Variants in ANKRD45 observed in about 807,000 individuals in gnomAD.
ANKRD45 encodes ankyrin repeat domain-containing protein 45.
In ANKRD45, 21 loss-of-function variants were observed where a neutral mutation model predicts 28.1. That is an observed-to-expected ratio of 0.75 (90% CI 0.53 to 1.08). The LOEUF (loss-of-function observed/expected upper bound fraction) is 1.08. Ranked by LOEUF, ANKRD45 falls within the 50% of genes least tolerant of loss-of-function variation. ANKRD45 has a pLI of 0.00. For synonymous variants in ANKRD45, 86 were observed against 103.9 expected, an observed-to-expected ratio of 0.83 and a Z score of 1.05; for missense variants, 261 against 308.7, an observed-to-expected ratio of 0.85 and a Z score of 1.16.
chr1:173,668,582 A>G (rs1368878386), intron 1 of ANKRD45, among the ~76,000 whole-genome samples: 1 of 152,204 alleles, frequency 6.6e-6, no homozygotes, highest in Non-Finnish European at 1.5e-5. Flanking sequence ...TCTCAAGGAA[A>G]GAATCCAAGA....
Position 173,665,359 on chromosome 1 carries a change from G to A in ANKRD45, c.-16+4458C>T, listed in dbSNP as rs552311601. 2.0e-5 allele frequency among the ~76,000 whole-genome samples: 3 copies of A among 152,040 alleles called. No individual in the cohort carries two copies. In the East Asian group the frequency reaches 5.8e-4, roughly 29 times the overall value. ...CCCAGCTCTTCTTCTTTTTTAATAT[G>A]CCATAGTTTATTCCTATGCAAGGTA... On this transcript the variant is annotated intron_variant, in intron 1 of 5. Coordinates refer to ENST00000333279, the MANE Select transcript of ANKRD45 (RefSeq NM_198493.3).
At chr1:173,691,170 G>GA in the ANKRD45 span, among the ~76,000 whole-genome samples, 1 of 152,270 alleles carries the variant, frequency 6.6e-6, no homozygotes, top group South Asian at 2.1e-4. Context: ...TCCTTCCTTG[G>GA]TCCATGCCCA....
At chr1:173,677,179 AT>A in the ANKRD45 span, among the ~76,000 whole-genome samples, 1 of 151,606 alleles carries the variant, frequency 6.6e-6, no homozygotes, top group African/African-American at 2.4e-5. Flanking sequence ...TAACTGAAGG[AT>A]TTTAAAAAAA....
At chr1:173,658,330 T>A (rs1430884081) in intron 2 of ANKRD45, 1 of 152,576 alleles carries the variant, frequency 6.6e-6, no homozygotes, top group Admixed American at 6.5e-5. Context: ...TCTCAAAAAA[T>A]AAAAATGAAA....
chr1:173,628,243 G>A (rs375527641), intron 3 of ANKRD45, among the ~76,000 whole-genome samples: 5 of 151,348 alleles, frequency 3.3e-5, no homozygotes, highest in South Asian at 4.2e-4. Flanking sequence ...TCTGCTTGAC[G>A]AAAGGAGAGG....
At chr1:173,649,985 A>G (rs182523964) in intron 2 of ANKRD45, among the ~76,000 whole-genome samples, 1 of 152,354 alleles carries the variant, frequency 6.6e-6, no homozygotes, top group East Asian at 1.9e-4. Flanking sequence ...AATTGGGAAG[A>G]AATTAAGAGA....
chr1:173,685,049 T>C, the ANKRD45 span, among the ~76,000 whole-genome samples: 2 of 152,182 alleles, frequency 1.3e-5, no homozygotes, highest in Non-Finnish European at 2.9e-5. Flanking sequence ...TGCTTTACGA[T>C]GTTTTATTTT....
chr1:173,621,502 A>G (rs1455422576), intron 5 of ANKRD45, among the ~76,000 whole-genome samples: 1 of 152,248 alleles, frequency 6.6e-6, no homozygotes, highest in Non-Finnish European at 1.5e-5. Context: ...TTGGTTCAGC[A>G]TACACAAATC....
intron 4 of ANKRD45, 77 bp from the exon 5 acceptor site, chr1:173,625,002 C>T (rs191123919): frequency 1.7e-4 from 238 of 1,439,082 alleles, no homozygotes; most frequent in Non-Finnish European, 2.0e-4. Flanking sequence ...TAAACCAGCA[C>T]GTCCAACTGA....
chr1:173,658,975 T>C (rs969285679), intron 2 of ANKRD45, 116 bp downstream of exon 2: 1 of 1,400,308 alleles, frequency 7.1e-7, no homozygotes. Flanking sequence ...TAGATGTATA[T>C]ACACATATAT....
chr1:173,643,140 A>C (rs967515307), intron 3 of ANKRD45, among the ~76,000 whole-genome samples: 4 of 151,524 alleles, frequency 2.6e-5, no homozygotes, highest in Non-Finnish European at 5.9e-5. Flanking sequence ...TCTGATAAAT[A>C]ATATCTGTGA....
At chr1:173,679,675 G>A in the ANKRD45 span, among the ~76,000 whole-genome samples, 31 of 152,182 alleles carry the variant, frequency 2.0e-4, no homozygotes, top group Admixed American at 1.4e-3. Flanking sequence ...CAATGGCAAC[G>A]AAAGCCAAAA....
the ANKRD45 span, among the ~76,000 whole-genome samples, chr1:173,709,499 C>T: frequency 3.3e-5 from 5 of 152,140 alleles, no homozygotes; most frequent in Non-Finnish European, 7.4e-5. Flanking sequence ...CTAGGTTCAG[C>T]CCACACTCAA....
chr1:173,682,439 T>C, the ANKRD45 span, among the ~76,000 whole-genome samples: 285 of 152,230 alleles, frequency 1.9e-3, 4 homozygotes, highest in South Asian at 4.1e-3. Flanking sequence ...TGGAGTTCCA[T>C]AAGGAAAAAC....
chr1:173,638,444 G>C (rs973641038), intron 3 of ANKRD45, among the ~76,000 whole-genome samples: 2 of 152,266 alleles, frequency 1.3e-5, no homozygotes, highest in Admixed American at 1.3e-4. Flanking sequence ...GAAGCCTCTA[G>C]TAGGAGAGGT....
At chr1:173,616,090 G>A (rs1667457091) in intron 5 of ANKRD45, among the ~76,000 whole-genome samples, 2 of 150,470 alleles carry the variant, frequency 1.3e-5, no homozygotes, top group Admixed American at 1.3e-4. Flanking sequence ...GCAACAGAGT[G>A]AGACTCCATC....
chr1:173,623,452 A>G (rs1230016350), intron 5 of ANKRD45, among the ~76,000 whole-genome samples: 1 of 152,220 alleles, frequency 6.6e-6, no homozygotes, highest in African/African-American at 2.4e-5. Flanking sequence ...TAAAAAGCCC[A>G]GAAACAACAG....
At chr1:173,631,364 A>G (rs1293329417) in intron 3 of ANKRD45, among the ~76,000 whole-genome samples, 1 of 152,172 alleles carries the variant, frequency 6.6e-6, no homozygotes, top group Non-Finnish European at 1.5e-5. Context: ...AGACCCCAAT[A>G]CAATAATAGG....
At chr1:173,703,455 C>T in the ANKRD45 span, among the ~76,000 whole-genome samples, 1 of 152,112 alleles carries the variant, frequency 6.6e-6, no homozygotes, top group Non-Finnish European at 1.5e-5. Context: ...ATCCACCCAC[C>T]TCAGCCTCCC....
Sources: allele counts gnomAD v4.1 joint callset (sites outside exome capture counted in the v4.1 genomes callset), GRCh38; gene constraint gnomAD v4.1.1; transcripts MANE v1.5; gene names NCBI Gene and HGNC (gene_info 2026-07-23, HGNC 2026-07-21).